GTPBP2: variants seen among roughly 807,000 people sequenced by gnomAD.
The protein encoded by GTPBP2 is GTP-binding protein 2.
GTPBP2 carries 32 observed loss-of-function variants against 63.0 expected under a neutral mutation model. The ratio of observed to expected loss-of-function variants is 0.51; its 90% CI spans 0.38 to 0.68. The LOEUF is 0.68. GTPBP2 is among the 30% of genes least tolerant of loss of function. The pLI is 0.00. For synonymous variants in GTPBP2, 310 were observed against 322.6 expected (o/e 0.96, Z 0.42); for missense variants, 492 against 796.9 (o/e 0.62, Z 4.61).
chr6:43,628,743 A>G, intron 1 of GTPBP2: 1 of 765,170 alleles, frequency 1.3e-6, no homozygotes, highest in Non-Finnish European at 2.4e-6. Context: ...CTAGATCAGA[A>G]GGGGGAGTCC....
In GTPBP2 at chr6:43,620,559, A is replaced by C. The variant is rs982848530; in HGVS notation, c.*1055T>G. 6.3e-6 allele frequency: 1 copy of C among 157,654 alleles called. No homozygotes were observed. The highest frequency in any genetic ancestry group is 2.4e-5 in the African/African-American group (1 of 41,308). 9.8% of individuals were successfully genotyped at this position (157,654 alleles called of 1,614,324 possible). ...TTTAAATATATATACATATGTATAT[A>C]TATATATATGCACAGAGAAACCTTA... On this transcript the variant is annotated 3_prime_UTR_variant, in exon 12 of 12. Transcript: ENST00000307126.
Position 43,625,631 on chromosome 6 carries a change from G to A in GTPBP2, c.508-71C>T. The A allele has an allele frequency of 6.9e-7, 1 of 1,443,976 alleles. No homozygotes were observed. Among genetic ancestry groups the A allele is most frequent in the Non-Finnish European group, 9.7e-7 (1 of 1,026,058 alleles). 89.4% of individuals were successfully genotyped at this position (1,443,976 alleles called of 1,614,324 possible). ...CTAACTGAAGACTGGGTCAAGGGCA[G>A]TGACGCTCCCTAGGGAGCAAGTGAT... On this transcript the variant is annotated intron_variant, in intron 4 of 11. Transcript: ENST00000307126. The surrounding 1 kb of genome is among the most constrained non-coding windows in gnomAD (Gnocchi z 5.1).
Position 43,626,391 on chromosome 6 carries a change from G to T in GTPBP2, c.233C>A (p.Ser78Tyr). 1 of 1,614,158 alleles carries T rather than the reference G, an allele frequency of 6.2e-7. No homozygotes were observed. The highest frequency in any genetic ancestry group is 1.7e-5 in the Admixed American group (1 of 60,024). The change falls in exon 3 of 12, where the codon TCC becomes TAC. Residue 78 changes from serine to tyrosine, a missense_variant. By Grantham distance (144) the Ser-to-Tyr change is moderately radical (BLOSUM62 -2). Transcript: ENST00000307126. The surrounding 1 kb of genome is among the most constrained non-coding windows in gnomAD (Gnocchi z 4.0). Reference protein sequence around the residue: ...IEYKLKLVNPSQYRFEHLVTQ... With the variant: ...IEYKLKLVNPYQYRFEHLVTQ... ...CACCAGGTGCTCAAAGCGGTACTGG[G>T]ATGGATTCACCAGCTTCAACTTAGG...
At position 43,629,155 on chromosome 6, in the gene GTPBP2, G is replaced by C; in HGVS notation, c.8C>G (p.Ser3Trp). Residue 3 changes from serine (S) to tryptophan (W), a missense_variant, in exon 1 of 12, where the codon TCG becomes TGG. Coordinates refer to ENST00000307126, the MANE Select transcript of GTPBP2 (RefSeq NM_019096.5). The stretch of plus-strand genomic sequence containing the variant: ...GCCGCCGAACAGCTCCGATACCCGC[G>C]AGTCCATCCGCCGCTGCCGCCAGCC... MD[S>W]RVSELFGGCC... 1 of 1,421,372 alleles carries C rather than the reference G, an allele frequency of 7.0e-7. No individual in the cohort carries two copies. Among genetic ancestry groups the C allele is most frequent in the Non-Finnish European group, 9.1e-7 (1 of 1,095,250 alleles). 88.0% of individuals were successfully genotyped at this position (1,421,372 alleles called of 1,614,324 possible).
Position 43,623,795 on chromosome 6 carries a change from C to A in GTPBP2, c.1237G>T (p.Val413Leu). 1 of 1,611,346 alleles carries A rather than the reference C, an allele frequency of 6.2e-7. No individual in the cohort carries two copies. Among genetic ancestry groups the A allele is most frequent in the Non-Finnish European group, 8.5e-7 (1 of 1,178,738 alleles). The change falls in exon 9 of 12, where the codon GTG becomes TTG. Residue 413 changes from valine to leucine, a missense_variant and splice_region_variant. Transcript: ENST00000307126. ...TCTGGTACTGTGTAGATTTCATCCACCTGAAGCCAAAGAAAACGCTATCAA... is the reference window on the plus strand; with the variant it reads ...TCTGGTACTGTGTAGATTTCATCCAACTGAAGCCAAAGAAAACGCTATCAA... ...ELMQQLTEFQ[V>L]DEIYTVPEVG... is the part of the protein sequence containing the mutation.
chr6:43,629,448 C>T (rs1048474873), upstream of GTPBP2: 28 of 566,028 alleles, frequency 4.9e-5, no homozygotes, highest in Middle Eastern at 9.2e-4. Context: ...TCGTCGGAGG[C>T]GTGGGGAAGG....
At chr6:43,630,908 C>CAAAAAAAA (rs753239311), upstream of GTPBP2, among the ~76,000 whole-genome samples, 16 of 53,554 alleles carry the variant, frequency 3.0e-4, no homozygotes, top group African/African-American at 1.0e-3. Context: ...GACTTCGTCT[C>CAAAAAAAA]AAAAAAAAAA....
At position 43,626,259 on chromosome 6, in the gene GTPBP2, G is replaced by A; in HGVS notation, c.365C>T (p.Ala122Val). Residue 122 changes from alanine to valine, a missense_variant, in exon 3 of 12, where the codon GCT becomes GTT. Ala to Val is a moderately conservative substitution (Grantham distance 64). Coordinates refer to ENST00000307126, the MANE Select transcript of GTPBP2 (RefSeq NM_019096.5). The surrounding 1 kb of genome is among the most constrained non-coding windows in gnomAD (Gnocchi z 4.0). The part of the protein sequence containing the change: ...LVGLAEEEMR[A>V]SLKTLHRMAE... ...CATCCGGTGCAGGGTCTTGAGCGAA[G>A]CTCGCATTTCCTCCTCAGCCAGCCC... The A allele has an allele frequency of 2.5e-6, 4 of 1,614,176 alleles. No individual in the cohort carries two copies. Among genetic ancestry groups the A allele is most frequent in the Non-Finnish European group, 3.4e-6 (4 of 1,180,014 alleles).
upstream of GTPBP2, among the ~76,000 whole-genome samples, chr6:43,630,657 C>A (rs1769853549): frequency 6.6e-6 from 1 of 151,772 alleles, no homozygotes; most frequent in Non-Finnish European, 1.5e-5. Context: ...GCAGGAGAAT[C>A]GCTTGAACCC....
chr6:43,630,908 C>CAAAAAAAAA (rs753239311), upstream of GTPBP2, among the ~76,000 whole-genome samples: 7 of 53,566 alleles, frequency 1.3e-4, no homozygotes, highest in African/African-American at 2.0e-4. Flanking sequence ...GACTTCGTCT[C>CAAAAAAAAA]AAAAAAAAAA....
chr6:43,625,349 T>A lies in GTPBP2; in HGVS notation c.705+14A>T. On this transcript the variant is annotated intron_variant, in intron 5 of 11. Coordinates refer to ENST00000307126, the MANE Select transcript of GTPBP2 (RefSeq NM_019096.5). The surrounding 1 kb of genome is among the most constrained non-coding windows in gnomAD (Gnocchi z 5.1). ...CAGAGTCTGGCCCCATTGGGTCCCA[T>A]TGATCCCATGCACCTCTCCCTTGCT... 1 of 1,612,120 alleles carries A rather than the reference T, an allele frequency of 6.2e-7. No homozygotes were observed. Among genetic ancestry groups the A allele is most frequent in the Non-Finnish European group, 8.5e-7 (1 of 1,178,162 alleles).
Position 43,625,851 on chromosome 6 carries a change from T to G in GTPBP2, c.412A>C (p.Ile138Leu). 6.2e-7 allele frequency: 1 copy of G among 1,613,836 alleles called. No homozygotes were observed. The highest frequency in any genetic ancestry group is 1.1e-5 in the South Asian group (1 of 91,086). The change falls in exon 4 of 12, where the codon ATA (isoleucine) becomes CTA (leucine). Residue 138 changes from isoleucine (I) to leucine (L), a missense_variant. Physicochemically the swap from Ile to Leu is conservative, Grantham distance 5. This residue lies in a region of GTPBP2 where 400 missense variants were observed against 710.8 expected (regional missense o/e 0.56). Transcript: ENST00000307126. The surrounding 1 kb of genome is among the most constrained non-coding windows in gnomAD (Gnocchi z 5.1). ...ACTTCTCGCTCTCGAAGAACGGTTA[T>G]GTCTGCCCCAACCCTGTCACAGCAA... Reference protein sequence around the residue: ...HRMAEKVGADITVLREREVDY... With the variant: ...HRMAEKVGADLTVLREREVDY...
At position 43,626,683 on chromosome 6, in the gene GTPBP2, G is replaced by A. The variant is rs959514501; in HGVS notation, c.213+239C>T. On this transcript the variant is annotated intron_variant, in intron 2 of 11. Coordinates refer to ENST00000307126, the MANE Select transcript of GTPBP2 (RefSeq NM_019096.5). This position sits in a 1 kb window ranked among gnomAD's most constrained non-coding sequence, Gnocchi z 4.0. ...TCGAGACCAGCCTGACCAACATGGAGAAACCTCATCTCTACTAAAAATACA... is the reference window on the plus strand; with the variant it reads ...TCGAGACCAGCCTGACCAACATGGAAAAACCTCATCTCTACTAAAAATACA... Among the ~76,000 whole-genome samples the A allele has an allele frequency of 6.6e-6, 1 of 152,138 alleles. No individual in the cohort carries two copies. The highest frequency in any genetic ancestry group is 2.4e-5 in the African/African-American group (1 of 41,430).
At position 43,621,425 on chromosome 6, in the gene GTPBP2, C is replaced by T; in HGVS notation, c.*189G>A. 1 of 1,542,588 alleles carries T rather than the reference C, an allele frequency of 6.5e-7. No individual in the cohort carries two copies. The highest frequency in any genetic ancestry group is 8.8e-7 in the Non-Finnish European group (1 of 1,141,798). On this transcript the variant is annotated 3_prime_UTR_variant, in exon 12 of 12. Transcript: ENST00000307126. ...CTGCCCTGAATCCTGTCTTCTCCCTCAGGACTGCCCTTTCCTGGCCACACC... is the reference window on the plus strand; with the variant it reads ...CTGCCCTGAATCCTGTCTTCTCCCTTAGGACTGCCCTTTCCTGGCCACACC...
intron 11 of GTPBP2, 89 bp downstream of exon 11, chr6:43,621,914 A>G: frequency 6.3e-7 from 1 of 1,599,476 alleles, no homozygotes; most frequent in East Asian, 2.2e-5. Flanking sequence ...TTTTATTCCC[A>G]TTGTGGGATC....
rs1238898304 is a variant in GTPBP2 at position 43,624,155 on chromosome 6, T to C, written c.1101-87A>G. 4.6e-6 allele frequency: 6 copies of C among 1,308,814 alleles called. No homozygotes were observed. The East Asian group carries it at 9.3e-5, about 20-fold the overall frequency. The allele number at this position is 1,308,814 out of a possible 1,614,324, so 81.1% of individuals were successfully genotyped here. On this transcript the variant is annotated intron_variant, in intron 7 of 11. Coordinates refer to ENST00000307126, the MANE Select transcript of GTPBP2 (RefSeq NM_019096.5). The surrounding 1 kb of genome is among the most constrained non-coding windows in gnomAD (Gnocchi z 5.1). ...GCCCCATACATGGAAAGGTGAGCTTTGTTCTGGCTGGGGGCCCCTCTCTCC... is the reference window on the plus strand; with the variant it reads ...GCCCCATACATGGAAAGGTGAGCTTCGTTCTGGCTGGGGGCCCCTCTCTCC...
Position 43,624,070 on chromosome 6 carries a change from T to C in GTPBP2, c.1101-2A>G, listed in dbSNP as rs2127838831. 6.2e-7 allele frequency: 1 copy of C among 1,610,530 alleles called. No individual in the cohort carries two copies. Among genetic ancestry groups the C allele is most frequent in the East Asian group, 2.2e-5 (1 of 44,870 alleles). The stretch of plus-strand genomic sequence containing the variant: ...GACAATGTGAAGATGGGGGTGACAC[T>C]GTAGAGGGAGGCATGGAATGGACAG... On this transcript the variant is annotated splice_acceptor_variant, in intron 7 of 11. Coordinates refer to ENST00000307126, the MANE Select transcript of GTPBP2 (RefSeq NM_019096.5). LOFTEE classifies it high-confidence loss of function. The surrounding 1 kb of genome is among the most constrained non-coding windows in gnomAD (Gnocchi z 5.1).
rs139289282 is a variant in GTPBP2, at chr6:43,624,910, G to A, written c.858C>T (p.Leu286=). Residue 286 remains leucine, a synonymous_variant, in exon 6 of 12, where the codon CTC becomes CTT. Coordinates refer to ENST00000307126, the MANE Select transcript of GTPBP2 (RefSeq NM_019096.5). This position sits in a 1 kb window ranked among gnomAD's most constrained non-coding sequence, Gnocchi z 5.1. ...TSYCPDCALL[L]VSANTGIAGT... Reference sequence around the variant, plus strand: ...TACCAATCCCAGTGTTGGCACTGACGAGGAGCAGGGCGCAGTCGGGGCAGT... The same window carrying A: ...TACCAATCCCAGTGTTGGCACTGACAAGGAGCAGGGCGCAGTCGGGGCAGT... 3.2e-5 allele frequency: 52 copies of A among 1,614,118 alleles called. No homozygotes were observed. In the African/African-American group the frequency reaches 6.1e-4, roughly 19 times the overall value.
At chr6:43,627,461 G>T in intron 1 of GTPBP2, 1 of 330,820 alleles carries the variant, frequency 3.0e-6, no homozygotes, top group South Asian at 1.2e-4. Flanking sequence ...GTCACTACAA[G>T]CCTGATGACC....
Sources: gnomAD v4.1 joint callset for allele counts (sites outside exome capture counted in the v4.1 genomes callset) on GRCh38, gnomAD v4.1.1 for gene constraint, gnomAD v4.1.1 regional missense constraint, Gnocchi (gnomAD v3.1) non-coding constraint, MANE v1.5 for transcripts, NCBI Gene and HGNC (gene_info 2026-07-23, HGNC 2026-07-21) for gene names.